Variants in HCRTR2 observed in about 807,000 individuals in gnomAD.
The protein encoded by HCRTR2 is orexin receptor type 2.
Under a neutral mutation model 49.0 loss-of-function variants are expected in HCRTR2, and 22 were observed. The ratio of observed to expected loss-of-function variants is 0.45; its 90% CI spans 0.32 to 0.64. The LOEUF is 0.64. Ranked by LOEUF, HCRTR2 falls within the 30% of genes least tolerant of loss-of-function variation. HCRTR2 has a pLI of 0.04. For missense variants in HCRTR2, 491 were observed against 559.4 expected (o/e 0.88, Z 1.23); for synonymous variants, 236 against 205.3 (o/e 1.15, Z -1.28).
chr6:55,263,891 A>T (rs1238890963), intron 4 of HCRTR2, 69 bp downstream of exon 4: 1 of 985,286 alleles, frequency 1.0e-6, no homozygotes, highest in South Asian at 1.4e-5. Flanking sequence ...TATTCCTTCC[A>T]AATATTTTGT....
intron 1 of HCRTR2, among the ~76,000 whole-genome samples, chr6:55,179,444 A>G (rs2127271903): frequency 6.6e-6 from 1 of 152,276 alleles, no homozygotes; most frequent in South Asian, 2.1e-4. Flanking sequence ...ATGCCTCTAC[A>G]TTTTTGCTAA....
intron 1 of HCRTR2, among the ~76,000 whole-genome samples, chr6:55,237,921 T>C (rs1222663796): frequency 6.6e-6 from 1 of 152,190 alleles, no homozygotes; most frequent in East Asian, 1.9e-4. Context: ...TGGAGATGAT[T>C]TAGGTTCTTC....
intron 1 of HCRTR2, among the ~76,000 whole-genome samples, chr6:55,142,982 ATG>A (rs1764529187): frequency 7.3e-5 from 5 of 68,646 alleles, no homozygotes; most frequent in African/African-American, 2.4e-4. Context: ...TGATAGAAAG[ATG>A]ATAGATGATA....
intron 1 of HCRTR2, among the ~76,000 whole-genome samples, chr6:55,138,899 T>C (rs1352836507): frequency 6.6e-6 from 1 of 152,190 alleles, no homozygotes; most frequent in East Asian, 1.9e-4. Flanking sequence ...ATGCTAGGAA[T>C]AAAGCACAGT....
intron 1 of HCRTR2, among the ~76,000 whole-genome samples, chr6:55,137,441 CT>C (rs1240233606): frequency 6.6e-6 from 1 of 152,086 alleles, no homozygotes; most frequent in Non-Finnish European, 1.5e-5. Flanking sequence ...AAATATATTC[CT>C]TTTTTGCTTT....
intron 1 of HCRTR2, among the ~76,000 whole-genome samples, chr6:55,143,727 G>C (rs570935654): frequency 7.4e-5 from 11 of 148,496 alleles, no homozygotes; most frequent in Non-Finnish European, 1.2e-4. Context: ...GTAACAATGA[G>C]ATCCATTTAA....
rs1764267217 is a variant in HCRTR2, at chr6:55,125,821, C to T, written c.-378+19276C>T. 2.0e-5 allele frequency among the ~76,000 whole-genome samples: 3 copies of T among 151,512 alleles called. No individual in the cohort carries two copies. In the South Asian group the frequency reaches 6.2e-4, roughly 32 times the overall value. The stretch of plus-strand genomic sequence containing the variant: ...GAGGCTTTGTTCATTGCTTTTTATT[C>T]TTTTTTTTTCAAATCTTGTCTTCTC... On this transcript the variant is annotated intron_variant, in intron 1 of 7. Transcript: ENST00000615358.
At chr6:55,213,226 TAGC>T (rs1172316769) in intron 1 of HCRTR2, among the ~76,000 whole-genome samples, 2 of 152,100 alleles carry the variant, frequency 1.3e-5, no homozygotes, top group African/African-American at 4.8e-5. Context: ...AAACACTAAA[TAGC>T]AGCACATAGA....
intron 1 of HCRTR2, among the ~76,000 whole-genome samples, chr6:55,150,175 A>G (rs917667491): frequency 6.6e-6 from 1 of 151,996 alleles, no homozygotes; most frequent in Non-Finnish European, 1.5e-5. Flanking sequence ...TATTGACATT[A>G]AAAGTTGACT....
At chr6:55,214,796 A>C (rs564625683) in intron 1 of HCRTR2, among the ~76,000 whole-genome samples, 1 of 152,158 alleles carries the variant, frequency 6.6e-6, no homozygotes, top group South Asian at 2.1e-4. Context: ...GAATATGATA[A>C]CCAAATTGAA....
At position 55,107,124 on chromosome 6, in the gene HCRTR2, G is replaced by A. The variant is rs184736676; in HGVS notation, c.-378+579G>A. Among the ~76,000 whole-genome samples the A allele has an allele frequency of 4.3e-3, 655 of 152,066 alleles. 7 individuals carry two copies. The highest frequency in any genetic ancestry group is 0.015 in the African/African-American group (616 of 41,502). On this transcript the variant is annotated intron_variant, in intron 1 of 7. Coordinates refer to the HCRTR2 transcript ENST00000615358. ...TACATTTGTCATTTTCTTACTTTCCGTGTAGATGTCTTGTTTGTAGGTGCA... is the reference window on the plus strand; with the variant it reads ...TACATTTGTCATTTTCTTACTTTCCATGTAGATGTCTTGTTTGTAGGTGCA...
At chr6:55,140,132 C>T (rs538054857) in intron 1 of HCRTR2, among the ~76,000 whole-genome samples, 30 of 149,106 alleles carry the variant, frequency 2.0e-4, no homozygotes, top group African/African-American at 7.3e-4. Context: ...GGATATGGTG[C>T]TTTGATTTTT....
chr6:55,147,664 T>C (rs149703592), intron 1 of HCRTR2, among the ~76,000 whole-genome samples: 1 of 152,338 alleles, frequency 6.6e-6, no homozygotes, highest in African/African-American at 2.4e-5. Context: ...ATTTTGATGA[T>C]CTGTCGGGTG....
chr6:55,166,346 G>A (rs772712871), intron 1 of HCRTR2, among the ~76,000 whole-genome samples: 8 of 150,974 alleles, frequency 5.3e-5, no homozygotes, highest in African/African-American at 1.2e-4. Flanking sequence ...CTTGTTGAGC[G>A]TGTCAGGAAG....
chr6:55,121,926 TTTG>T (rs1764205876), intron 1 of HCRTR2, among the ~76,000 whole-genome samples: 1 of 152,178 alleles, frequency 6.6e-6, no homozygotes, highest in African/African-American at 2.4e-5. Context: ...AATTCTCTTT[TTTG>T]TTGTTGTGTC....
rs372046428 is a variant in HCRTR2, at chr6:55,255,242, G to A, written c.509G>A (p.Arg170His). 16 of 1,613,834 alleles carry A rather than the reference G, an allele frequency of 9.9e-6. No individual in the cohort carries two copies. The highest frequency in any genetic ancestry group is 3.3e-4 in the Middle Eastern group (2 of 6,084). The part of the protein sequence containing the change: ...LMFKSTAKRA[R>H]NSIVIIWIVS... ...TTTAAGAGCACAGCAAAGCGGGCCC[G>A]TAACAGCATTGTCATCATCTGGATT... The change falls in exon 3 of 7, where the codon CGT becomes CAT. Residue 170 changes from arginine (R) to histidine (H), a missense_variant. Arg to His is a conservative substitution (Grantham distance 29). Transcript: ENST00000370862.
At chr6:55,254,935 C>A (rs1216598775) in intron 2 of HCRTR2, among the ~76,000 whole-genome samples, 2 of 151,976 alleles carry the variant, frequency 1.3e-5, no homozygotes, top group African/African-American at 4.8e-5. Flanking sequence ...AATAAATTTA[C>A]ATTTAAAAGT....
chr6:55,199,984 A>G (rs1027900673), intron 1 of HCRTR2, among the ~76,000 whole-genome samples: 1 of 152,208 alleles, frequency 6.6e-6, no homozygotes, highest in Non-Finnish European at 1.5e-5. Context: ...GAGTGTGGTG[A>G]TTAAAGGTTG....
chr6:55,121,082 T>C (rs1332512402), intron 1 of HCRTR2, among the ~76,000 whole-genome samples: 1 of 152,082 alleles, frequency 6.6e-6, no homozygotes, highest in African/African-American at 2.4e-5. Context: ...GCCAATTTCA[T>C]GATATTGATT....
Sources: gnomAD v4.1 joint callset for allele counts (sites outside exome capture counted in the v4.1 genomes callset) on GRCh38, gnomAD v4.1.1 for gene constraint, MANE v1.5 for transcripts, NCBI Gene and HGNC (gene_info 2026-07-23, HGNC 2026-07-21) for gene names.